Variants in FLRT2 observed in about 807,000 individuals in gnomAD.
FLRT2 encodes the protein fibronectin leucine rich transmembrane protein 2.
Under a neutral mutation model 40.0 loss-of-function variants are expected in FLRT2, and 15 were observed. The ratio of observed to expected loss-of-function variants is 0.38; its 90% CI spans 0.25 to 0.58. FLRT2 has a LOEUF of 0.58. Among genes scored for constraint, FLRT2 ranks in the 20% least tolerant of loss-of-function variants. The pLI is 0.71. For missense variants in FLRT2, 726 were observed against 840.0 expected (o/e 0.86, Z 1.68); for synonymous variants, 380 against 336.8 (o/e 1.13, Z -1.41).
chr14:85,611,906 G>C (rs1301264315), intron 1 of FLRT2, among the ~76,000 whole-genome samples: 14 of 145,166 alleles, frequency 9.6e-5, no homozygotes, highest in Non-Finnish European at 1.8e-4. Context: ...GAGAGCGCGC[G>C]TGCGCGAAAG....
chr14:85,549,087 C>T (rs1305508412), intron 1 of FLRT2, among the ~76,000 whole-genome samples: 2 of 152,170 alleles, frequency 1.3e-5, no homozygotes, highest in African/African-American at 2.4e-5. Context: ...GCTCTTCATT[C>T]CACTGAGATC....
Position 85,646,939 on chromosome 14 carries a change from A to G in FLRT2, c.*23442A>G, listed in dbSNP as rs192800406. 6.6e-6 allele frequency: 1 copy of G among 152,302 alleles called. No individual in the cohort carries two copies. The highest frequency in any genetic ancestry group is 1.9e-4 in the East Asian group (1 of 5,170). The allele number at this position is 152,302 out of a possible 1,614,324, so 9.4% of individuals were successfully genotyped here. On this transcript the variant is annotated 3_prime_UTR_variant, in exon 2 of 2. Transcript: ENST00000330753. ...AAGATATGGAAGTTGCCTGGGACCA[A>G]CATACTCTGTCCAAGAGACACAGTG...
chr14:85,574,598 C>T (rs1039442987), intron 1 of FLRT2, among the ~76,000 whole-genome samples: 1 of 152,108 alleles, frequency 6.6e-6, no homozygotes, highest in Non-Finnish European at 1.5e-5. Flanking sequence ...TCTTCTCTTT[C>T]TGTTGCATTT....
chr14:85,555,822 T>C (rs1889925316), intron 1 of FLRT2, among the ~76,000 whole-genome samples: 2 of 151,980 alleles, frequency 1.3e-5, no homozygotes, highest in Non-Finnish European at 2.9e-5. Flanking sequence ...TCCCAAGTAG[T>C]TGGGATTACA....
chr14:85,633,708 G>A lies in FLRT2; in HGVS notation c.*10211G>A, dbSNP rs1369757448. 3 of 151,720 alleles carry A rather than the reference G, an allele frequency of 2.0e-5. No homozygotes were observed. Among genetic ancestry groups the A allele is most frequent in the African/African-American group, 7.3e-5 (3 of 41,230 alleles). The allele number at this position is 151,720 out of a possible 1,614,324, so 9.4% of individuals were successfully genotyped here. On this transcript the variant is annotated 3_prime_UTR_variant, in exon 2 of 2. Coordinates refer to ENST00000330753, the MANE Select transcript of FLRT2 (RefSeq NM_013231.6). ...CCAGCTACTTGGGAGGTTGAAGCAG[G>A]AGGGTCACTTGAGCCCAGGAGATCA... is the stretch of plus-strand genomic sequence containing the variant.
In FLRT2 at chr14:85,622,254, C is replaced by T; in HGVS notation, c.740C>T (p.Pro247Leu). 6.2e-7 allele frequency: 1 copy of T among 1,614,086 alleles called. No individual in the cohort carries two copies. The highest frequency in any genetic ancestry group is 8.5e-7 in the Non-Finnish European group (1 of 1,180,036). Residue 247 changes from proline to leucine, a missense_variant, in exon 2 of 2, where the codon CCC becomes CTC. Coordinates refer to ENST00000330753, the MANE Select transcript of FLRT2 (RefSeq NM_013231.6). ...CGTAATTCGCTGTCCCACCCTCCTC[C>T]CGATCTCCCAGGTACGCATCTGATC... is the stretch of plus-strand genomic sequence containing the variant. ...IVRNSLSHPP[P>L]DLPGTHLIRL... is the part of the protein sequence containing the mutation.
rs999063588 is a variant in FLRT2 at position 85,644,510 on chromosome 14, T to G, written c.*21013T>G. The G allele has an allele frequency of 6.6e-6, 1 of 152,128 alleles. No homozygotes were observed. The allele number at this position is 152,128 out of a possible 1,614,324, so 9.4% of individuals were successfully genotyped here. A position where few individuals can be genotyped will look rare whatever the true frequency, so the allele number is the denominator to read the frequency against. On this transcript the variant is annotated 3_prime_UTR_variant, in exon 2 of 2. Transcript: ENST00000330753. ...TGGAAGGAAAAGATAACCTAGAAACTCAGTAATTCACATGCATTCAAGAAG... is the reference window on the plus strand; with the variant it reads ...TGGAAGGAAAAGATAACCTAGAAACGCAGTAATTCACATGCATTCAAGAAG...
chr14:85,534,030 G>A (rs1490475690), intron 1 of FLRT2, among the ~76,000 whole-genome samples: 1 of 152,084 alleles, frequency 6.6e-6, no homozygotes, highest in African/African-American at 2.4e-5. Context: ...TCCATGCCCC[G>A]CCGCTGCGCT....
In FLRT2 at chr14:85,634,186, G is replaced by C. The variant is rs995224911; in HGVS notation, c.*10689G>C. 2 of 152,126 alleles carry C rather than the reference G, an allele frequency of 1.3e-5. No homozygotes were observed. Among genetic ancestry groups the C allele is most frequent in the Admixed American group, 1.3e-4 (2 of 15,256 alleles). 9.4% of individuals were successfully genotyped at this position (152,126 alleles called of 1,614,324 possible). On this transcript the variant is annotated 3_prime_UTR_variant, in exon 2 of 2. Transcript: ENST00000330753. ...TAGCATTATTTTCCTTTCTATTTAT[G>C]TCTTTCCTTGCTTAATAAATGCAGA...
intron 1 of FLRT2, among the ~76,000 whole-genome samples, chr14:85,619,798 C>T (rs911967428): frequency 1.3e-5 from 2 of 152,092 alleles, no homozygotes; most frequent in Admixed American, 6.5e-5. Context: ...ACTTCTTTAC[C>T]TCTCTAATCT....
At position 85,646,496 on chromosome 14, in the gene FLRT2, G is replaced by A. The variant is rs190503296; in HGVS notation, c.*22999G>A. The A allele has an allele frequency of 3.3e-5, 5 of 152,334 alleles. No individual in the cohort carries two copies. In the East Asian group the frequency reaches 9.7e-4, roughly 29 times the overall value. The allele number at this position is 152,334 out of a possible 1,614,324, so 9.4% of individuals were successfully genotyped here. A position where few individuals can be genotyped will look rare whatever the true frequency, so the allele number is the denominator to read the frequency against. Reference sequence around the variant, plus strand: ...AGGGAGGAAAGGATGAAGTAGGTTTGCAGTCCTCTTAGAAGAAGGTAAAAG... The same window carrying A: ...AGGGAGGAAAGGATGAAGTAGGTTTACAGTCCTCTTAGAAGAAGGTAAAAG... On this transcript the variant is annotated 3_prime_UTR_variant, in exon 2 of 2. Coordinates refer to ENST00000330753, the MANE Select transcript of FLRT2 (RefSeq NM_013231.6).
At chr14:85,616,899 T>C (rs1053725114) in intron 1 of FLRT2, among the ~76,000 whole-genome samples, 10 of 152,240 alleles carry the variant, frequency 6.6e-5, no homozygotes, top group Non-Finnish European at 1.5e-4. Context: ...GGAAAGTATA[T>C]TACATTTTCA....
chr14:85,581,546 T>C lies in FLRT2; in HGVS notation c.-376-39593T>C, dbSNP rs575626685. ...CAGCCTGAGTCTTCGTGGGCCTTCA[T>C]AGCACAAGTAAAAGAATATTAATGT... On this transcript the variant is annotated intron_variant, in intron 1 of 1. Transcript: ENST00000330753. Among the ~76,000 whole-genome samples the C allele has an allele frequency of 2.6e-5, 4 of 152,300 alleles. No homozygotes were observed. The East Asian group carries it at 5.8e-4, about 22-fold the overall frequency.
At chr14:85,532,217 T>C (rs913193936) in intron 1 of FLRT2, among the ~76,000 whole-genome samples, 1 of 152,118 alleles carries the variant, frequency 6.6e-6, no homozygotes, top group Non-Finnish European at 1.5e-5. Context: ...GGTCCTGGGC[T>C]AGTTTTAAAC....
At chr14:85,537,943 AACAGTAGCTAC>A (rs1164211863) in intron 1 of FLRT2, among the ~76,000 whole-genome samples, 6 of 152,036 alleles carry the variant, frequency 3.9e-5, no homozygotes, top group Admixed American at 6.6e-5. Flanking sequence ...TTCAAAATTA[AACAGTAGCTAC>A]TTTTTCAGGG....
At chr14:85,589,587 C>T (rs963071915) in intron 1 of FLRT2, among the ~76,000 whole-genome samples, 4 of 151,878 alleles carry the variant, frequency 2.6e-5, no homozygotes, top group African/African-American at 9.7e-5. Flanking sequence ...TGGATTGTTT[C>T]CTTTGCTGTG....
intron 1 of FLRT2, among the ~76,000 whole-genome samples, chr14:85,538,336 T>G (rs2139805352): frequency 6.6e-6 from 1 of 152,302 alleles, no homozygotes; most frequent in Non-Finnish European, 1.5e-5. Flanking sequence ...CTGCTGATAC[T>G]TACTAAGGAC....
intron 1 of FLRT2, among the ~76,000 whole-genome samples, chr14:85,573,688 T>C (rs2139864821): frequency 6.6e-6 from 1 of 152,298 alleles, no homozygotes; most frequent in East Asian, 1.9e-4. Flanking sequence ...AGGGGTTCTA[T>C]TCTTGGTTTT....
At chr14:85,561,740 C>CGTACCAGAA (rs1194089981) in intron 1 of FLRT2, among the ~76,000 whole-genome samples, 1 of 152,198 alleles carries the variant, frequency 6.6e-6, no homozygotes, top group African/African-American at 2.4e-5. Context: ...AAAATAGAAT[C>CGTACCAGAA]GTACCAGAAG....
Sources: allele counts gnomAD v4.1 joint callset (sites outside exome capture counted in the v4.1 genomes callset), GRCh38; gene constraint gnomAD v4.1.1; transcripts MANE v1.5; gene names NCBI Gene and HGNC (gene_info 2026-07-23, HGNC 2026-07-21).